DNAAF5: variants seen among roughly 807,000 people sequenced by gnomAD.
DNAAF5 encodes dynein axonemal assembly factor 5, also known as HEAT repeat containing 2.
A neutral mutation model predicts 75.8 loss-of-function variants in DNAAF5; 64 were observed. The ratio of observed to expected loss-of-function variants is 0.84; its 90% CI spans 0.69 to 1.04. DNAAF5 has a LOEUF of 1.04. Among genes scored for constraint, DNAAF5 ranks in the 50% least tolerant of loss-of-function variants. The pLI, the probability that DNAAF5 is intolerant of heterozygous loss-of-function variation, is 0.00. For synonymous variants in DNAAF5, 657 were observed against 557.2 expected (o/e 1.18, Z -2.52); for missense variants, 1,269 against 1,178.5 (o/e 1.08, Z -1.12).
At chr7:772,970 A>C (rs1179622611) in intron 9 of DNAAF5, 10 of 152,038 alleles carry the variant, frequency 6.6e-5, no homozygotes, top group Admixed American at 6.6e-4. Flanking sequence ...TAAAAAAAAA[A>C]AAAAAAAAAT....
Position 775,038 on chromosome 7 carries a change from G to A in DNAAF5, c.2115G>A (p.Gln705=). ...IRDVQETLMP[Q]VLTTLEEDSK... ...ACGTGCAGGAAACACTGATGCCCCA[G>A]GTCCTGACCACCCTGGAGGAGGATT... Residue 705 remains glutamine (Q), a synonymous_variant, in exon 11 of 13, where the codon CAG becomes CAA. Transcript: ENST00000297440. 6.2e-7 allele frequency: 1 copy of A among 1,613,972 alleles called. No homozygotes were observed. Among genetic ancestry groups the A allele is most frequent in the Non-Finnish European group, 8.5e-7 (1 of 1,179,958 alleles).
chr7:738,876 G>C (rs1376230190), intron 2 of DNAAF5, among the ~76,000 whole-genome samples: 4 of 152,244 alleles, frequency 2.6e-5, no homozygotes, highest in Admixed American at 2.6e-4. Flanking sequence ...TCCTGGGTGG[G>C]GCCCCGCAGA....
At chr7:731,726 G>C (rs942027064) in intron 2 of DNAAF5, among the ~76,000 whole-genome samples, 13 of 151,990 alleles carry the variant, frequency 8.6e-5, no homozygotes, top group Non-Finnish European at 1.5e-4. Context: ...TAGTGTTAGT[G>C]TTATTTTATG....
At chr7:733,678 A>T (rs951731085) in intron 2 of DNAAF5, among the ~76,000 whole-genome samples, 17 of 151,986 alleles carry the variant, frequency 1.1e-4, no homozygotes, top group Non-Finnish European at 2.4e-4. Context: ...TTGTGTTTTT[A>T]GTAGAGACAG....
intron 1 of DNAAF5, 84 bp from the exon 2 acceptor site, chr7:729,579 A>C (rs569906659): frequency 7.5e-7 from 1 of 1,338,258 alleles, no homozygotes; most frequent in East Asian, 2.5e-5. Context: ...ACTCATAGGC[A>C]GGCAGCCGTC....
chr7:771,630 A>G (rs1467113567), intron 9 of DNAAF5: 1 of 152,242 alleles, frequency 6.6e-6, no homozygotes, highest in Non-Finnish European at 1.5e-5. Context: ...AGGGCTTAGA[A>G]CGGACCATAG....
intron 6 of DNAAF5, among the ~76,000 whole-genome samples, chr7:761,129 C>G (rs977259990): frequency 4.6e-5 from 7 of 152,254 alleles, no homozygotes; most frequent in Non-Finnish European, 1.0e-4. Context: ...CCACATAGCT[C>G]AAGTGCCTGT....
At chr7:785,024 G>T (rs1198140072) in intron 12 of DNAAF5, among the ~76,000 whole-genome samples, 9 of 151,860 alleles carry the variant, frequency 5.9e-5, no homozygotes, top group Non-Finnish European at 5.9e-5. Context: ...TCTGACTGCC[G>T]TCCACCCGTC....
At position 754,566 on chromosome 7, in the gene DNAAF5, C is replaced by T. The variant is rs768224198; in HGVS notation, c.1025-23C>T. ...AGGTTTTGCTTGTGAATTTCTCATT[C>T]TTCTTTCCCTTTTTCGTTCCAGAGC... On this transcript the variant is annotated intron_variant, in intron 4 of 12. Transcript: ENST00000297440. This position sits in a 1 kb window ranked among gnomAD's most constrained non-coding sequence, Gnocchi z 4.8. The T allele has an allele frequency of 6.3e-7, 1 of 1,595,794 alleles. No individual in the cohort carries two copies. The highest frequency in any genetic ancestry group is 8.6e-7 in the Non-Finnish European group (1 of 1,164,356).
chr7:764,318 G>A (rs79417077), intron 8 of DNAAF5, among the ~76,000 whole-genome samples: 2,315 of 152,332 alleles, frequency 0.015, 40 homozygotes, highest in East Asian at 0.12. Flanking sequence ...GGTGCTGTGT[G>A]TGTGACATGG....
At chr7:763,232 C>T (rs1041271879) in intron 7 of DNAAF5, among the ~76,000 whole-genome samples, 1 of 152,272 alleles carries the variant, frequency 6.6e-6, no homozygotes. Flanking sequence ...AAGTCTTTGC[C>T]TGCTGGTCAT....
intron 8 of DNAAF5, chr7:768,951 C>T (rs6973614): frequency 0.43 from 243,935 of 563,458 alleles, 54,181 homozygotes; most frequent in Middle Eastern, 0.46. Flanking sequence ...GACTCGTGCT[C>T]TGGCGGGAGG....
chr7:755,292 C>G (rs957530607), intron 5 of DNAAF5, among the ~76,000 whole-genome samples: 2 of 152,222 alleles, frequency 1.3e-5, no homozygotes, highest in African/African-American at 4.8e-5. Flanking sequence ...CTCTTTCTCA[C>G]TCCCTGTCCA....
In DNAAF5 at chr7:736,180, G is replaced by C. The variant is rs556692543; in HGVS notation, c.781-4639G>C. ...TGCTGAGGAGAAGAATGTGTATTCT[G>C]TAGCTGTTGGATGCAATGTTCTATA... On this transcript the variant is annotated intron_variant, in intron 2 of 12. Coordinates refer to ENST00000297440, the MANE Select transcript of DNAAF5 (RefSeq NM_017802.4). Among the ~76,000 whole-genome samples, 31 of 152,324 alleles carry C rather than the reference G, an allele frequency of 2.0e-4. No individual in the cohort carries two copies. The South Asian group carries it at 6.0e-3, about 30-fold the overall frequency.
At chr7:770,333 T>C in intron 8 of DNAAF5, 138 bp from the exon 9 acceptor site, 2 of 689,560 alleles carry the variant, frequency 2.9e-6, no homozygotes, top group South Asian at 4.1e-5. Flanking sequence ...CCTTACTGAT[T>C]GAGAAAGAGG....
intron 4 of DNAAF5, among the ~76,000 whole-genome samples, chr7:752,961 C>T (rs994790305): frequency 6.6e-6 from 1 of 152,250 alleles, no homozygotes; most frequent in Non-Finnish European, 1.5e-5. Context: ...GAAGAAGACG[C>T]TCGGCGTCGT....
At chr7:735,023 TGGTGTAGCTGCTCAC>T (rs1438294361) in intron 2 of DNAAF5, among the ~76,000 whole-genome samples, 4 of 151,868 alleles carry the variant, frequency 2.6e-5, no homozygotes, top group African/African-American at 4.8e-5. Flanking sequence ...GTGTAGTTCA[TGGTGTAGCTGCTCAC>T]GGTGTAGCTG....
chr7:745,820 C>G (rs927306510), intron 4 of DNAAF5, among the ~76,000 whole-genome samples: 1 of 152,248 alleles, frequency 6.6e-6, no homozygotes, highest in Admixed American at 6.5e-5. Flanking sequence ...GGGGCTTCCT[C>G]CCTGTGGTGG....
At chr7:767,481 A>G (rs998678443) in intron 8 of DNAAF5, among the ~76,000 whole-genome samples, 2 of 152,246 alleles carry the variant, frequency 1.3e-5, no homozygotes, top group African/African-American at 4.8e-5. Flanking sequence ...GCATCGGGGC[A>G]TAATTTAATA....
Sources: allele counts gnomAD v4.1 joint callset (sites outside exome capture counted in the v4.1 genomes callset), GRCh38; gene constraint gnomAD v4.1.1; non-coding constraint Gnocchi (gnomAD v3.1); transcripts MANE v1.5; gene names NCBI Gene and HGNC (gene_info 2026-07-23, HGNC 2026-07-21).